The following MPP1 variants were observed in gnomAD, a reference collection of about 807,000 sequenced individuals.
The protein encoded by MPP1 is MAGUK p55 scaffold protein 1, also known as 55 kDa erythrocyte membrane protein.
MPP1 carries 6 observed loss-of-function variants against 38.2 expected under a neutral mutation model. The ratio of observed to expected loss-of-function variants is 0.16; its 90% CI spans 0.09 to 0.31. MPP1 has a LOEUF of 0.31. Among genes scored for constraint, MPP1 ranks in the 10% least tolerant of loss-of-function variants. MPP1 has a pLI of 1.00. For missense variants in MPP1, 293 were observed against 368.9 expected, an observed-to-expected ratio of 0.79 and a Z score of 1.69; for synonymous variants, 153 against 146.3, an observed-to-expected ratio of 1.05 and a Z score of -0.33.
In MPP1 at chrX:154,778,954, A is replaced by G. The variant is rs2071953447; in HGVS notation, c.*223T>C. On this transcript the variant is annotated 3_prime_UTR_variant, in exon 12 of 12. Transcript: ENST00000369534. Reference sequence around the variant, plus strand: ...TACTTCTTACCCCCAATTTCTAGAAATCCTTTTCAAATCCAGATCAGTGGG... The same window carrying G: ...TACTTCTTACCCCCAATTTCTAGAAGTCCTTTTCAAATCCAGATCAGTGGG... 1 of 375,478 alleles carries G rather than the reference A, an allele frequency of 2.7e-6. No homozygotes were observed. Among genetic ancestry groups the G allele is most frequent in the Non-Finnish European group, 4.6e-6 (1 of 219,155 alleles). 30.9% of individuals were successfully genotyped at this position (375,478 alleles called of 1,213,427 possible).
At chrX:154,789,837 C>G in intron 5 of MPP1, 117 bp downstream of exon 5, 1 of 489,038 alleles carries the variant, frequency 2.0e-6, no homozygotes, top group South Asian at 3.7e-5. Context: ...TACACACTTG[C>G]GAGATACTTA....
chrX:154,792,977 G>A (rs781914272), intron 1 of MPP1, among the ~76,000 whole-genome samples: 14 of 110,804 alleles, frequency 1.3e-4, no homozygotes, highest in Non-Finnish European at 2.3e-4. Context: ...TAAATCTAAA[G>A]TAATTTAAGG....
chrX:154,779,263 C>T lies in MPP1; in HGVS notation c.1315G>A (p.Val439Ile). 1 of 1,211,615 alleles carries T rather than the reference C, an allele frequency of 8.3e-7. No individual in the cohort carries two copies. The highest frequency in any genetic ancestry group is 1.1e-6 in the Non-Finnish European group (1 of 895,354). ...YFDLSLVNNG[V>I]DETLKKLQEA... ...TGTAATTTCTTAAGGGTTTCATCAACACCATTATTGACCAGTGAGAGGTCA... is the reference window on the plus strand; with the variant it reads ...TGTAATTTCTTAAGGGTTTCATCAATACCATTATTGACCAGTGAGAGGTCA... The change falls in exon 12 of 12, where the codon GTT (valine) becomes ATT (isoleucine). Residue 439 changes from valine to isoleucine, a missense_variant. Transcript: ENST00000369534.
chrX:154,794,050 T>C (rs1416407213), intron 1 of MPP1, among the ~76,000 whole-genome samples: 1 of 112,402 alleles, frequency 8.9e-6, no homozygotes, highest in Non-Finnish European at 1.9e-5. Context: ...TATCATCTGA[T>C]GTTTTTTCAA....
At chrX:154,779,414 T>C in intron 11 of MPP1, 61 bp from the exon 12 acceptor site, 1 of 1,067,785 alleles carries the variant, frequency 9.4e-7, no homozygotes, top group Non-Finnish European at 1.3e-6. Flanking sequence ...GAGAGGCCAG[T>C]GACAGATTTT....
chrX:154,785,462 C>T (rs1453631960), intron 6 of MPP1, among the ~76,000 whole-genome samples: 2 of 111,171 alleles, frequency 1.8e-5, no homozygotes, highest in African/African-American at 6.6e-5. Flanking sequence ...GACCCTACCT[C>T]ACTCTAAGAA....
At chrX:154,780,607 A>T (rs1302102210) in intron 11 of MPP1, among the ~76,000 whole-genome samples, 3 of 111,407 alleles carry the variant, frequency 2.7e-5, no homozygotes, top group African/African-American at 1.0e-4. Flanking sequence ...GTGCTCTTGG[A>T]CCCAGTGATC....
chrX:154,784,138 A>G (rs2072040907), intron 7 of MPP1, 30 bp from the exon 8 acceptor site: 1 of 1,128,283 alleles, frequency 8.9e-7, no homozygotes, highest in African/African-American at 1.8e-5. Context: ...AGCAGTGTTC[A>G]TTTCCAGAGC....
At chrX:154,799,495 A>C (rs2072237831) in intron 1 of MPP1, among the ~76,000 whole-genome samples, 1 of 112,576 alleles carries the variant, frequency 8.9e-6, no homozygotes, top group African/African-American at 3.2e-5. Context: ...AGATATGCAG[A>C]CATATACTGT....
intron 1 of MPP1, among the ~76,000 whole-genome samples, chrX:154,799,043 T>C (rs1557268395): frequency 8.9e-6 from 1 of 112,116 alleles, no homozygotes; most frequent in Non-Finnish European, 1.9e-5. Context: ...TATGTCATAT[T>C]CTTCTTATCC....
rs1339902356 is a variant in MPP1, at chrX:154,792,021, A to G, written c.246+121T>C. On this transcript the variant is annotated intron_variant, in intron 2 of 11. Coordinates refer to ENST00000369534, the MANE Select transcript of MPP1 (RefSeq NM_002436.4). ...GGAGGAATTTGAGATAAGAATGAAA[A>G]GACAATTTTGGGGTTGGCCAATTCC... 1.1e-5 allele frequency: 12 copies of G among 1,065,314 alleles called. No individual in the cohort carries two copies. The African/African-American group carries it at 2.0e-4, about 18-fold the overall frequency. The allele number at this position is 1,065,314 out of a possible 1,213,427, so 87.8% of individuals were successfully genotyped here. A position where few individuals can be genotyped will look rare whatever the true frequency, so the allele number is the denominator to read the frequency against.
intron 11 of MPP1, 28 bp downstream of exon 11, chrX:154,781,211 C>T (rs782296394): frequency 5.0e-5 from 58 of 1,166,147 alleles, no homozygotes; most frequent in Non-Finnish European, 6.4e-5. Flanking sequence ...AGAAAGTGAA[C>T]TACCCATCGC....
chrX:154,801,780 AAAAAAAC>A (rs2072267608), intron 1 of MPP1, among the ~76,000 whole-genome samples: 1 of 88,708 alleles, frequency 1.1e-5, no homozygotes, highest in African/African-American at 4.7e-5. Flanking sequence ...AAAAAAAAAA[AAAAAAAC>A]AAAAAACAGA....
At chrX:154,785,199 T>A (rs782460143) in intron 6 of MPP1, 42 bp from the exon 7 acceptor site, 3 of 826,043 alleles carry the variant, frequency 3.6e-6, no homozygotes, top group African/African-American at 3.2e-5. Context: ...TTCCTCCCCC[T>A]CCCCTCATAC....
chrX:154,779,927 C>T (rs2071971511), intron 11 of MPP1, among the ~76,000 whole-genome samples: 1 of 112,838 alleles, frequency 8.9e-6, no homozygotes, highest in South Asian at 3.6e-4. Flanking sequence ...CCATGTTGGC[C>T]AGGCTGGTCT....
intron 1 of MPP1, among the ~76,000 whole-genome samples, chrX:154,799,588 C>T (rs1256421274): frequency 2.7e-5 from 3 of 112,878 alleles, no homozygotes; most frequent in Non-Finnish European, 5.6e-5. Flanking sequence ...ACAACCTCCA[C>T]ATCATCCTCT....
rs146037277 is a variant in MPP1, at chrX:154,783,541, G to C, written c.866-34C>G. Reference sequence around the variant, plus strand: ...AGAGAGAAGAACATCTTTTGGAAAGGGGGGAGAGGAGCGAGGATAAGATAC... The same window carrying C: ...AGAGAGAAGAACATCTTTTGGAAAGCGGGGAGAGGAGCGAGGATAAGATAC... On this transcript the variant is annotated intron_variant, in intron 8 of 11. Transcript: ENST00000369534. 1,032 of 1,111,533 alleles carry C rather than the reference G, an allele frequency of 9.3e-4. 4 individuals carry two copies. The East Asian group carries it at 0.017, about 19-fold the overall frequency. 91.6% of individuals were successfully genotyped at this position (1,111,533 alleles called of 1,213,427 possible). A position where few individuals can be genotyped will look rare whatever the true frequency, so the allele number is the denominator to read the frequency against.
chrX:154,792,121 G>A lies in MPP1; in HGVS notation c.246+21C>T, dbSNP rs782340240. The A allele has an allele frequency of 4.2e-6, 5 of 1,202,725 alleles. No homozygotes were observed. The Admixed American group carries it at 6.6e-5, about 16-fold the overall frequency. On this transcript the variant is annotated intron_variant, in intron 2 of 11. Transcript: ENST00000369534. Reference sequence around the variant, plus strand: ...ATGGGGCAGAGAGTAACTGGTGGGCGACAATATGACGGGGGATTACCATGG... The same window carrying A: ...ATGGGGCAGAGAGTAACTGGTGGGCAACAATATGACGGGGGATTACCATGG...
At chrX:154,802,120 G>A (rs910688934) in intron 1 of MPP1, among the ~76,000 whole-genome samples, 1 of 112,156 alleles carries the variant, frequency 8.9e-6, no homozygotes, top group East Asian at 2.8e-4. Flanking sequence ...TGGTGTCCGT[G>A]CACAGGCTGT....
Sources: gnomAD v4.1 joint callset for allele counts (sites outside exome capture counted in the v4.1 genomes callset) on GRCh38, gnomAD v4.1.1 for gene constraint, MANE v1.5 for transcripts, NCBI Gene and HGNC (gene_info 2026-07-23, HGNC 2026-07-21) for gene names.